The following PLCH1 variants were observed in gnomAD, a reference collection of about 807,000 sequenced individuals.
The protein encoded by PLCH1 is phospholipase C eta 1.
PLCH1 carries 60 observed loss-of-function variants against 126.7 expected under a neutral mutation model. The ratio of observed to expected loss-of-function variants is 0.47; its 90% CI spans 0.38 to 0.59. The LOEUF (loss-of-function observed/expected upper bound fraction) is 0.59, where lower values mean the gene tolerates loss of function less well. Among genes scored for constraint, PLCH1 ranks in the 20% least tolerant of loss-of-function variants. The pLI is 0.00. For synonymous variants in PLCH1, 719 were observed against 734.9 expected, an observed-to-expected ratio of 0.98 and a Z score of 0.35; for missense variants, 1,723 against 2,040.0, an observed-to-expected ratio of 0.84 and a Z score of 2.99.
downstream of PLCH1, among the ~76,000 whole-genome samples, chr3:155,477,994 C>T (rs1284532494): frequency 1.3e-5 from 2 of 152,020 alleles, no homozygotes; most frequent in Non-Finnish European, 2.9e-5. Flanking sequence ...TTGGAAGCAA[C>T]CTAAGTGTCT....
chr3:155,503,358 C>T (rs1426660363), intron 13 of PLCH1, among the ~76,000 whole-genome samples: 1 of 152,122 alleles, frequency 6.6e-6, no homozygotes, highest in Non-Finnish European at 1.5e-5. Flanking sequence ...TTTTGCTCAA[C>T]ATCATGTTTA....
At chr3:155,744,237 G>T (rs936574389) in intron 1 of PLCH1, among the ~76,000 whole-genome samples, 5 of 152,198 alleles carry the variant, frequency 3.3e-5, no homozygotes, top group African/African-American at 1.2e-4. Context: ...GCGTGCCGCC[G>T]CGGGGCCGGG....
intron 10 of PLCH1, among the ~76,000 whole-genome samples, chr3:155,538,933 A>G (rs1451160033): frequency 2.0e-5 from 2 of 100,800 alleles, no homozygotes; most frequent in East Asian, 4.4e-4. Context: ...CCAAAACCAG[A>G]AAAGGACATA....
chr3:155,560,109 A>G (rs530595897), intron 8 of PLCH1, among the ~76,000 whole-genome samples: 1 of 152,348 alleles, frequency 6.6e-6, no homozygotes, highest in South Asian at 2.1e-4. Flanking sequence ...AAAGCAAAAG[A>G]AATAGAGCAG....
downstream of PLCH1, among the ~76,000 whole-genome samples, chr3:155,477,466 G>C (rs1033378517): frequency 6.6e-6 from 1 of 151,874 alleles, no homozygotes; most frequent in African/African-American, 2.4e-5. Flanking sequence ...ACAACACACA[G>C]AATGGGAGAA....
intron 2 of PLCH1, among the ~76,000 whole-genome samples, chr3:155,679,860 A>C (rs1208243249): frequency 6.6e-6 from 1 of 152,230 alleles, no homozygotes; most frequent in Non-Finnish European, 1.5e-5. Flanking sequence ...GAAGATGTCC[A>C]AGATCACACG....
chr3:155,650,272 C>T (rs1740563616), intron 2 of PLCH1, among the ~76,000 whole-genome samples: 1 of 152,186 alleles, frequency 6.6e-6, no homozygotes, highest in Non-Finnish European at 1.5e-5. Context: ...TTAGTACACA[C>T]AGGAAAATAC....
chr3:155,672,287 A>C (rs1010420147), intron 2 of PLCH1, among the ~76,000 whole-genome samples: 3 of 152,192 alleles, frequency 2.0e-5, no homozygotes, highest in Non-Finnish European at 4.4e-5. Context: ...CTGGAATACA[A>C]AATACATGAA....
At position 155,512,279 on chromosome 3, in the gene PLCH1, G is replaced by A. The variant is rs113792889; in HGVS notation, c.1632+2444C>T. Among the ~76,000 whole-genome samples, 73 of 152,152 alleles carry A rather than the reference G, an allele frequency of 4.8e-4. 1 individual carries two copies. Among genetic ancestry groups the A allele is most frequent in the African/African-American group, 1.6e-3 (67 of 41,512 alleles). ...CAACTTTGACCTCTCCCTGAGCACC[G>A]GCACATCTTTCACTGAATTATTGAG... On this transcript the variant is annotated intron_variant, in intron 12 of 22. Transcript: ENST00000460012.
At chr3:155,565,638 TATA>T (rs1433699297) in intron 7 of PLCH1, among the ~76,000 whole-genome samples, 14 of 152,152 alleles carry the variant, frequency 9.2e-5, no homozygotes, top group African/African-American at 3.1e-4. Flanking sequence ...AACTCTTCTT[TATA>T]AATTACCTAG....
At chr3:155,721,041 T>C (rs868759506) in intron 1 of PLCH1, among the ~76,000 whole-genome samples, 12 of 152,348 alleles carry the variant, frequency 7.9e-5, no homozygotes, top group African/African-American at 2.6e-4. Context: ...TTTGGCTTTC[T>C]TTCTGGGTTC....
intron 10 of PLCH1, among the ~76,000 whole-genome samples, chr3:155,540,526 A>T (rs984706983): frequency 9.9e-5 from 15 of 152,216 alleles, no homozygotes; most frequent in African/African-American, 3.6e-4. Flanking sequence ...ATCTACAAGG[A>T]ACTCAAACAA....
chr3:155,583,599 T>G lies in PLCH1; in HGVS notation c.644A>C (p.Glu215Ala), dbSNP rs749216494. ...CATCATTTTGTAAAAAACACAGAAC[T>G]CTTCAAATGTCAAAGTTCCCTGATT... ...DENQGTLTFE[E>A]FCVFYKMMSL... The change falls in exon 6 of 23, where the codon GAG becomes GCG. Residue 215 changes from glutamate to alanine, a missense_variant. Transcript: ENST00000460012. 1 of 1,590,916 alleles carries G rather than the reference T, an allele frequency of 6.3e-7. No homozygotes were observed. The highest frequency in any genetic ancestry group is 8.5e-7 in the Non-Finnish European group (1 of 1,173,892).
chr3:155,561,628 T>C (rs1323217819), intron 8 of PLCH1, among the ~76,000 whole-genome samples: 1 of 152,128 alleles, frequency 6.6e-6, no homozygotes, highest in African/African-American at 2.4e-5. Context: ...GCATGATTTA[T>C]AGTCCTTTGG....
chr3:155,454,765 G>A (rs980086334), intron 21 of PLCH1, among the ~76,000 whole-genome samples: 1 of 152,158 alleles, frequency 6.6e-6, no homozygotes, highest in Admixed American at 6.5e-5. Context: ...AGAAGTCAAA[G>A]CTTTTTTTAA....
At chr3:155,601,132 G>A (rs1317157425) in intron 2 of PLCH1, among the ~76,000 whole-genome samples, 4 of 151,878 alleles carry the variant, frequency 2.6e-5, no homozygotes, top group Non-Finnish European at 5.9e-5. Flanking sequence ...ACGCCACCAC[G>A]CCCGGCCAAT....
At chr3:155,470,288 T>C (rs1362358668) in intron 21 of PLCH1, among the ~76,000 whole-genome samples, 2 of 152,100 alleles carry the variant, frequency 1.3e-5, no homozygotes, top group African/African-American at 4.8e-5. Context: ...TACAGAAGCC[T>C]TAGGAGCCGA....
chr3:155,690,843 C>T (rs1362007277), intron 2 of PLCH1, among the ~76,000 whole-genome samples: 1 of 152,232 alleles, frequency 6.6e-6, no homozygotes, highest in Non-Finnish European at 1.5e-5. Flanking sequence ...ACTTAATCAT[C>T]TGAGGACCTT....
intron 21 of PLCH1, among the ~76,000 whole-genome samples, chr3:155,453,866 A>T (rs1712374313): frequency 6.6e-6 from 1 of 151,852 alleles, no homozygotes; most frequent in Non-Finnish European, 1.5e-5. Context: ...TCTGCAAATT[A>T]AAAATAGAAA....
Sources: allele counts gnomAD v4.1 joint callset (sites outside exome capture counted in the v4.1 genomes callset), GRCh38; gene constraint gnomAD v4.1.1; transcripts MANE v1.5; gene names NCBI Gene and HGNC (gene_info 2026-07-23, HGNC 2026-07-21).